The following ZFP64 variants were observed in gnomAD, a reference collection of about 807,000 sequenced individuals.
The protein encoded by ZFP64 is ZFP64 zinc finger protein, also known as zinc finger protein 64.
ZFP64 carries 14 observed loss-of-function variants against 51.6 expected under a neutral mutation model. The ratio of observed to expected loss-of-function variants is 0.27; its 90% CI spans 0.18 to 0.42. The LOEUF (loss-of-function observed/expected upper bound fraction) is 0.42, where lower values mean the gene tolerates loss of function less well. Among genes scored for constraint, ZFP64 ranks in the 10% least tolerant of loss-of-function variants. The pLI is 1.00. For missense variants in ZFP64, 754 were observed against 906.8 expected (o/e 0.83, Z 2.16); for synonymous variants, 375 against 361.4 (o/e 1.04, Z -0.43).
intron 1 of ZFP64, among the ~76,000 whole-genome samples, chr20:52,190,625 C>A (rs961135195): frequency 5.3e-5 from 8 of 152,202 alleles, no homozygotes; most frequent in Admixed American, 5.2e-4. Context: ...ATCTGAGCCC[C>A]ACCTAGGAGA....
intron 5 of ZFP64, among the ~76,000 whole-genome samples, chr20:52,099,647 T>A (rs891354743): frequency 2.0e-5 from 3 of 152,340 alleles, no homozygotes; most frequent in Middle Eastern, 3.4e-3. Flanking sequence ...GCATTCCCCA[T>A]AGTCTAAGGA....
At chr20:52,112,797 T>G (rs1600718974) in intron 5 of ZFP64, among the ~76,000 whole-genome samples, 1 of 152,032 alleles carries the variant, frequency 6.6e-6, no homozygotes, top group Middle Eastern at 3.4e-3. Flanking sequence ...TGTATTTTTT[T>G]GTAGAGAAGA....
chr20:52,089,500 G>T (rs977989563), intron 7 of ZFP64, among the ~76,000 whole-genome samples: 1 of 152,128 alleles, frequency 6.6e-6, no homozygotes, highest in East Asian at 1.9e-4. Context: ...CAGTGCTTTG[G>T]GGGGCTGAGG....
At chr20:52,178,933 C>T (rs948013969) in intron 2 of ZFP64, among the ~76,000 whole-genome samples, 16 of 152,166 alleles carry the variant, frequency 1.1e-4, no homozygotes, top group African/African-American at 3.9e-4. Context: ...TCTCCAAGGG[C>T]AAGCATCTCC....
chr20:52,126,841 T>C (rs914140818), intron 5 of ZFP64, among the ~76,000 whole-genome samples: 1 of 152,076 alleles, frequency 6.6e-6, no homozygotes, highest in African/African-American at 2.4e-5. Context: ...GACACCCATA[T>C]GGAGGCAAAC....
intron 5 of ZFP64, among the ~76,000 whole-genome samples, chr20:52,129,208 A>C (rs987526751): frequency 6.6e-6 from 1 of 151,596 alleles, no homozygotes; most frequent in African/African-American, 2.4e-5. Context: ...CAGCTTCCCA[A>C]GTAGCTGGGA....
At chr20:52,117,239 A>C (rs1454771442) in intron 5 of ZFP64, among the ~76,000 whole-genome samples, 1 of 152,228 alleles carries the variant, frequency 6.6e-6, no homozygotes, top group Non-Finnish European at 1.5e-5. Flanking sequence ...TGCTGAAATC[A>C]GAATGGGCTT....
At chr20:52,097,834 C>T (rs1328290233) in intron 6 of ZFP64, among the ~76,000 whole-genome samples, 5 of 151,958 alleles carry the variant, frequency 3.3e-5, no homozygotes, top group Non-Finnish European at 5.9e-5. Flanking sequence ...CTTGGGAGAC[C>T]AAGGTGGGAG....
At position 52,099,005 on chromosome 20, in the gene ZFP64, C is replaced by CAAAAAA. The variant is rs58670484; in HGVS notation, c.764-424_764-419dup. ...CAACAGAGCAAGACTCTGTCTTTAC[C>CAAAAAA]AAAAAAAAAAAAAAAAAGCAAGCCA... On this transcript the variant is annotated intron_variant, in intron 5 of 8. Transcript: ENST00000361387. 3.5e-3 allele frequency among the ~76,000 whole-genome samples: 403 copies of CAAAAAA among 116,608 alleles called. 4 individuals carry two copies. Among genetic ancestry groups the CAAAAAA allele is most frequent in the African/African-American group, 0.012 (367 of 31,044 alleles). The allele number at this position is 116,608 out of a possible 152,430, so 76.5% of individuals were successfully genotyped here. A position where few individuals can be genotyped will look rare whatever the true frequency, so the allele number is the denominator to read the frequency against.
At chr20:52,181,245 T>C (rs932093976) in intron 2 of ZFP64, among the ~76,000 whole-genome samples, 5 of 152,072 alleles carry the variant, frequency 3.3e-5, no homozygotes, top group Non-Finnish European at 7.4e-5. Flanking sequence ...CCCAGCCCCC[T>C]CTCTGTTTAT....
rs1981015677 is a variant in ZFP64, at chr20:52,153,167, G to A, written c.1025C>T (p.Pro342Leu). ...GTAGCTGCATTCCGAGCACTTCTCA[G>A]GATGCTCCGACTGGTGCACGCGGCT... ...KHSRVHQSEHPEKCSECSYSC... is the reference protein window; with the variant it reads ...KHSRVHQSEHLEKCSECSYSC... The change falls in exon 6 of 6, where the codon CCT (proline) becomes CTT (leucine). Residue 342 changes from proline (P) to leucine (L), a missense_variant. Pro to Leu is a moderately conservative substitution (Grantham distance 98). This residue lies in a region of ZFP64 where 428 missense variants were observed against 472.4 expected (regional missense o/e 0.91). Transcript: ENST00000216923. This position sits in a 1 kb window ranked among gnomAD's most constrained non-coding sequence, Gnocchi z 5.1. The A allele has an allele frequency of 6.2e-7, 1 of 1,614,130 alleles. No individual in the cohort carries two copies. Among genetic ancestry groups the A allele is most frequent in the African/African-American group, 1.3e-5 (1 of 74,944 alleles).
At chr20:52,098,345 A>G in intron 6 of ZFP64, 2 of 1,535,988 alleles carry the variant, frequency 1.3e-6, no homozygotes, top group South Asian at 1.2e-5. Flanking sequence ...AGCAAACAAG[A>G]GTAACATGAG....
At chr20:52,182,089 T>C (rs1479128680) in intron 2 of ZFP64, among the ~76,000 whole-genome samples, 2 of 152,212 alleles carry the variant, frequency 1.3e-5, no homozygotes, top group Non-Finnish European at 2.9e-5. Context: ...TCAGGCCCTT[T>C]ATGTGGATTA....
exon 6 of ZFP64, chr20:52,098,533 G>C (rs1265646691): frequency 4.3e-6 from 7 of 1,614,150 alleles, no homozygotes; most frequent in Non-Finnish European, 5.9e-6. Context: ...CGGAGTGTCA[G>C]TGCTTTCAGT....
intron 5 of ZFP64, among the ~76,000 whole-genome samples, chr20:52,124,280 A>C (rs1433108402): frequency 6.6e-6 from 1 of 152,096 alleles, no homozygotes; most frequent in Admixed American, 6.6e-5. Context: ...ACAAAAAAAT[A>C]AGCATGTGTC....
intron 2 of ZFP64, among the ~76,000 whole-genome samples, chr20:52,182,558 A>G (rs565452529): frequency 7.9e-5 from 12 of 152,294 alleles, no homozygotes; most frequent in African/African-American, 2.6e-4. Flanking sequence ...ATCTCTATAA[A>G]TAATTTAAAA....
In ZFP64 at chr20:52,160,987, CGCAGGTGAGTGAGCAGGTGAGG is replaced by C. The variant is rs1321709818; in HGVS notation, c.512-635_512-614del. On this transcript the variant is annotated intron_variant, in intron 4 of 5. Coordinates refer to ENST00000216923, the MANE Select transcript of ZFP64 (RefSeq NM_018197.3). The surrounding 1 kb of genome is among the most constrained non-coding windows in gnomAD (Gnocchi z 4.2). Reference sequence around the variant, plus strand: ...GAGGGCAGGTGAGTGAGTCGGTGAGCGCAGGTGAGTGAGCAGGTGAGGGCAGGTGAGTGAGCAGCTGAGGGTG... The same window carrying C: ...GAGGGCAGGTGAGTGAGTCGGTGAGCGCAGGTGAGTGAGCAGCTGAGGGTG... Among the ~76,000 whole-genome samples, 7 of 151,634 alleles carry C rather than the reference CGCAGGTGAGTGAGCAGGTGAGG, an allele frequency of 4.6e-5. No individual in the cohort carries two copies. The South Asian group carries it at 1.1e-3, about 23-fold the overall frequency.
At chr20:52,167,142 T>G (rs1417383229) in intron 2 of ZFP64, among the ~76,000 whole-genome samples, 1 of 151,896 alleles carries the variant, frequency 6.6e-6, no homozygotes, top group Non-Finnish European at 1.5e-5. Flanking sequence ...CTGGTCAACA[T>G]GGTGAAACCC....
chr20:52,149,274 G>GA (rs555406373), downstream of ZFP64, among the ~76,000 whole-genome samples: 1,033 of 96,784 alleles, frequency 0.011, 5 homozygotes, highest in African/African-American at 0.024. Context: ...TCTACTTACA[G>GA]AAAAAAAAAA....
Sources: gnomAD v4.1 joint callset for allele counts (sites outside exome capture counted in the v4.1 genomes callset) on GRCh38, gnomAD v4.1.1 for gene constraint, gnomAD v4.1.1 regional missense constraint, Gnocchi (gnomAD v3.1) non-coding constraint, MANE v1.5 for transcripts, NCBI Gene and HGNC (gene_info 2026-07-23, HGNC 2026-07-21) for gene names.